IARS2: variants seen among roughly 807,000 people sequenced by gnomAD.
IARS2 encodes isoleucine--tRNA ligase, mitochondrial.
A neutral mutation model predicts 126.3 loss-of-function variants in IARS2; 56 were observed. The observed-to-expected ratio is 0.44, with a 90% CI of 0.36 to 0.55. The LOEUF (loss-of-function observed/expected upper bound fraction) is 0.55, where lower values mean the gene tolerates loss of function less well. IARS2 is among the 20% of genes least tolerant of loss of function. The pLI is 0.00. For missense variants in IARS2, 1,127 were observed against 1,245.9 expected (o/e 0.90, Z 1.44); for synonymous variants, 407 against 441.1 (o/e 0.92, Z 0.97).
chr1:220,106,860 G>C (rs898160986), intron 9 of IARS2, among the ~76,000 whole-genome samples: 2 of 151,970 alleles, frequency 1.3e-5, no homozygotes, highest in Non-Finnish European at 2.9e-5. Flanking sequence ...TCAAATTCCT[G>C]ACCTCAAGTG....
At chr1:220,122,888 T>G (rs1657076406) in intron 12 of IARS2, among the ~76,000 whole-genome samples, 1 of 152,090 alleles carries the variant, frequency 6.6e-6, no homozygotes, top group Non-Finnish European at 1.5e-5. Flanking sequence ...TGTTTTACTG[T>G]TTTATTTTAC....
At position 220,096,025 on chromosome 1, in the gene IARS2, G is replaced by A; in HGVS notation, c.268-79G>A. On this transcript the variant is annotated intron_variant, in intron 1 of 22. Transcript: ENST00000366922. Reference sequence around the variant, plus strand: ...ATGTAATTGGAATGGAAATAAGCAAGTGTTGGCTGTTATTTATGGTTAGAC... The same window carrying A: ...ATGTAATTGGAATGGAAATAAGCAAATGTTGGCTGTTATTTATGGTTAGAC... 4.0e-6 allele frequency: 3 copies of A among 755,840 alleles called. No homozygotes were observed. The South Asian group carries it at 6.4e-5, about 16-fold the overall frequency. 46.8% of individuals were successfully genotyped at this position (755,840 alleles called of 1,614,324 possible). A position where few individuals can be genotyped will look rare whatever the true frequency, so the allele number is the denominator to read the frequency against.
intron 12 of IARS2, among the ~76,000 whole-genome samples, chr1:220,116,039 T>A (rs1656906374): frequency 6.6e-6 from 1 of 152,060 alleles, no homozygotes; most frequent in Non-Finnish European, 1.5e-5. Flanking sequence ...TGAGACCCCA[T>A]CTCTACAGAA....
intron 12 of IARS2, among the ~76,000 whole-genome samples, chr1:220,119,344 T>C (rs1322596808): frequency 6.6e-6 from 1 of 152,102 alleles, no homozygotes; most frequent in Non-Finnish European, 1.5e-5. Flanking sequence ...TGGAAGCATA[T>C]AGATTACATA....
chr1:220,132,463 ATAG>A (rs1159620710), intron 14 of IARS2, among the ~76,000 whole-genome samples: 1 of 148,976 alleles, frequency 6.7e-6, no homozygotes, highest in African/African-American at 2.5e-5. Flanking sequence ...ACATTTGTTT[ATAG>A]TAGTCTGTGA....
rs1002946795 is a variant in IARS2 at position 220,112,184 on chromosome 1, G to A, written c.1479+1247G>A. Among the ~76,000 whole-genome samples the A allele has an allele frequency of 3.3e-3, 197 of 59,918 alleles. 29 individuals carry two copies. The highest frequency in any genetic ancestry group is 5.4e-3 in the Non-Finnish European group (160 of 29,416). The allele number at this position is 59,918 out of a possible 152,430, so 39.3% of individuals were successfully genotyped here. On this transcript the variant is annotated intron_variant, in intron 11 of 22. Coordinates refer to ENST00000366922, the MANE Select transcript of IARS2 (RefSeq NM_018060.4). ...GCTCTGTCGCCCAGGTCGGACTGCG[G>A]ACTGCAGTGGCGCAATCTCGGCTCA... is the stretch of plus-strand genomic sequence containing the variant.
intron 14 of IARS2, 32 bp from the exon 15 acceptor site, chr1:220,134,370 G>A (rs757979533): frequency 5.0e-6 from 7 of 1,408,542 alleles, no homozygotes; most frequent in East Asian, 4.8e-5. Context: ...TAAATTTCTG[G>A]GTTTTTTTTT....
intron 2 of IARS2, among the ~76,000 whole-genome samples, chr1:220,100,089 T>G (rs1656540593): frequency 6.6e-6 from 1 of 152,224 alleles, no homozygotes; most frequent in African/African-American, 2.4e-5. Flanking sequence ...AAGGCTCTGC[T>G]GCCCTCTGGT....
chr1:220,142,005 T>G (rs1657501478), intron 20 of IARS2, 57 bp downstream of exon 20: 3 of 1,510,590 alleles, frequency 2.0e-6, no homozygotes, highest in South Asian at 2.4e-5. Flanking sequence ...AAGGTGCAAC[T>G]TCTACTTCTA....
intron 14 of IARS2, among the ~76,000 whole-genome samples, chr1:220,127,305 A>G (rs1399896394): frequency 6.6e-6 from 1 of 152,234 alleles, no homozygotes; most frequent in African/African-American, 2.4e-5. Flanking sequence ...CTCATCTTCT[A>G]TACTACATTG....
intron 2 of IARS2, among the ~76,000 whole-genome samples, chr1:220,097,936 G>A (rs1381050653): frequency 1.3e-5 from 2 of 151,858 alleles, no homozygotes; most frequent in South Asian, 2.1e-4. Context: ...GTGCAGTGGC[G>A]CAGTCTCGGC....
Position 220,106,068 on chromosome 1 carries a change from TC to T in IARS2, c.1236+10del. ...CAGCACAACCTGCCCATGGTACTGT[TC>T]CTCTTTTATCATTTTTAATTATTCA... On this transcript the variant is annotated intron_variant, in intron 9 of 22. Transcript: ENST00000366922. 1 of 1,574,592 alleles carries T rather than the reference TC, an allele frequency of 6.4e-7. No individual in the cohort carries two copies. Among genetic ancestry groups the T allele is most frequent in the South Asian group, 1.2e-5 (1 of 86,140 alleles).
chr1:220,140,130 C>T (rs1657455234), intron 18 of IARS2, 53 bp from the exon 19 acceptor site: 1 of 1,029,424 alleles, frequency 9.7e-7, no homozygotes, highest in African/African-American at 1.6e-5. Flanking sequence ...TGATGACTTA[C>T]ATTTTCATTT....
At chr1:220,131,728 A>T (rs938685242) in intron 14 of IARS2, among the ~76,000 whole-genome samples, 1 of 150,242 alleles carries the variant, frequency 6.7e-6, no homozygotes, top group African/African-American at 2.5e-5. Flanking sequence ...TCAAGGGATC[A>T]GCGCTGCTCA....
At chr1:220,131,385 CTT>C (rs1277264221) in intron 14 of IARS2, among the ~76,000 whole-genome samples, 1 of 151,194 alleles carries the variant, frequency 6.6e-6, no homozygotes, top group Non-Finnish European at 1.5e-5. Context: ...GAGTTTCACT[CTT>C]ATTGCCCAGG....
rs1656786871 is a variant in IARS2 at position 220,110,853 on chromosome 1, T to C, written c.1395T>C (p.Tyr465=). The C allele has an allele frequency of 2.5e-6, 4 of 1,613,716 alleles. No homozygotes were observed. The highest frequency in any genetic ancestry group is 8.5e-7 in the Non-Finnish European group (1 of 1,179,748). The part of the protein sequence containing the change: ...KEEKLVHSYP[Y]DWRTKKPVVI... ...AGAAATTGGTGCATAGCTATCCGTA[T>C]GACTGGAGGACCAAGAAACCTGTGG... The change falls in exon 11 of 23, where the codon TAT becomes TAC. Residue 465 remains tyrosine, a synonymous_variant. Coordinates refer to ENST00000366922, the MANE Select transcript of IARS2 (RefSeq NM_018060.4).
intron 14 of IARS2, among the ~76,000 whole-genome samples, chr1:220,128,915 T>G (rs1272397756): frequency 1.3e-5 from 2 of 151,964 alleles, no homozygotes; most frequent in Non-Finnish European, 2.9e-5. Context: ...TTTTTTTTTT[T>G]TTTCGAGACA....
At chr1:220,136,212 A>G (rs547374964) in intron 15 of IARS2, among the ~76,000 whole-genome samples, 4 of 152,160 alleles carry the variant, frequency 2.6e-5, no homozygotes, top group South Asian at 2.1e-4. Context: ...GCTCACTGCA[A>G]TCTCCGCCTC....
At chr1:220,100,066 A>G (rs1439685901) in intron 2 of IARS2, among the ~76,000 whole-genome samples, 2 of 152,198 alleles carry the variant, frequency 1.3e-5, no homozygotes, top group African/African-American at 4.8e-5. Flanking sequence ...AACTATAGTA[A>G]TATATTTTTT....
Sources: gnomAD v4.1 joint callset for allele counts (sites outside exome capture counted in the v4.1 genomes callset) on GRCh38, gnomAD v4.1.1 for gene constraint, MANE v1.5 for transcripts, NCBI Gene and HGNC (gene_info 2026-07-23, HGNC 2026-07-21) for gene names.